ATRNL1: variants seen among roughly 807,000 people sequenced by gnomAD.
ATRNL1 encodes the protein attractin like 1.
In ATRNL1, 95 loss-of-function variants were observed where a neutral mutation model predicts 182.7. The observed-to-expected ratio is 0.52, with a 90% CI of 0.44 to 0.62. The LOEUF is 0.62. ATRNL1 is among the 20% of genes least tolerant of loss of function. ATRNL1 has a pLI of 0.00. For synonymous variants in ATRNL1, 576 were observed against 568.3 expected (o/e 1.01, Z -0.19); for missense variants, 1,471 against 1,679.5 (o/e 0.88, Z 2.17).
At chr10:115,475,310 T>C (rs1049384529) in intron 24 of ATRNL1, among the ~76,000 whole-genome samples, 2 of 151,574 alleles carry the variant, frequency 1.3e-5, no homozygotes, top group Non-Finnish European at 3.0e-5. Context: ...GAAATGCTGC[T>C]ATCATTTATA....
chr10:115,496,224 T>G (rs1554978221), intron 24 of ATRNL1, among the ~76,000 whole-genome samples: 1 of 152,034 alleles, frequency 6.6e-6, no homozygotes. Context: ...GCACGTAAGA[T>G]GGGTCAGCAT....
At chr10:115,523,257 C>T (rs1472536768) in intron 25 of ATRNL1, among the ~76,000 whole-genome samples, 1 of 152,194 alleles carries the variant, frequency 6.6e-6, no homozygotes, top group African/African-American at 2.4e-5. Context: ...CCAAGCCTGT[C>T]ATCCAAAACC....
At position 115,550,260 on chromosome 10, in the gene ATRNL1, A is replaced by T. The variant is rs1852890323; in HGVS notation, c.3795+724A>T. ...CTGTTTTTATCAGTATTCTTTTATTATAATGTATTCTATTGTATTAATCTT... is the reference window on the plus strand; with the variant it reads ...CTGTTTTTATCAGTATTCTTTTATTTTAATGTATTCTATTGTATTAATCTT... On this transcript the variant is annotated intron_variant, in intron 26 of 28. Coordinates refer to ENST00000355044, the MANE Select transcript of ATRNL1 (RefSeq NM_207303.4). Among the ~76,000 whole-genome samples, 7 of 151,902 alleles carry T rather than the reference A, an allele frequency of 4.6e-5. No individual in the cohort carries two copies. In the South Asian group the frequency reaches 1.5e-3, roughly 31 times the overall value.
At chr10:115,401,887 C>A (rs1030788924) in intron 20 of ATRNL1, among the ~76,000 whole-genome samples, 3 of 152,050 alleles carry the variant, frequency 2.0e-5, no homozygotes, top group Non-Finnish European at 2.9e-5. Context: ...GAAATTTTAA[C>A]AAATGCATAG....
Position 115,272,280 on chromosome 10 carries a change from C to T in ATRNL1, c.2100+3836C>T, listed in dbSNP as rs368080553. ...TGTAGGGTATGGTAATACTGAAAGA[C>T]GCCATAAGGGATCTCTTGTATTCTA... is the stretch of plus-strand genomic sequence containing the variant. On this transcript the variant is annotated intron_variant, in intron 13 of 28. Coordinates refer to ENST00000355044, the MANE Select transcript of ATRNL1 (RefSeq NM_207303.4). 8.7e-4 allele frequency among the ~76,000 whole-genome samples: 132 copies of T among 152,208 alleles called. 2 individuals carry two copies. The South Asian group carries it at 0.023, about 26-fold the overall frequency.
chr10:115,699,958 T>C (rs1946680335), intron 26 of ATRNL1, among the ~76,000 whole-genome samples: 2 of 152,172 alleles, frequency 1.3e-5, no homozygotes, highest in Non-Finnish European at 2.9e-5. Flanking sequence ...TCTGTTCCTA[T>C]GTTAATTTGC....
At chr10:115,241,509 A>G in intron 9 of ATRNL1, 62 bp from the exon 10 acceptor site, 1 of 1,155,414 alleles carries the variant, frequency 8.7e-7, no homozygotes, top group Non-Finnish European at 1.2e-6. Flanking sequence ...TTTATATAAC[A>G]TATATAAAAT....
chr10:115,693,429 G>A (rs1359957781), intron 26 of ATRNL1, among the ~76,000 whole-genome samples: 1 of 151,988 alleles, frequency 6.6e-6, no homozygotes, highest in Non-Finnish European at 1.5e-5. Flanking sequence ...ATAGAGTATT[G>A]GCTTCATGCT....
At chr10:115,841,647 T>TA (rs1950811597) in intron 27 of ATRNL1, among the ~76,000 whole-genome samples, 1 of 152,146 alleles carries the variant, frequency 6.6e-6, no homozygotes, top group African/African-American at 2.4e-5. Context: ...TCCACTAGCT[T>TA]AATTTCTTTT....
chr10:115,846,407 G>A (rs1478370630), intron 27 of ATRNL1, among the ~76,000 whole-genome samples: 2 of 151,918 alleles, frequency 1.3e-5, no homozygotes, highest in South Asian at 2.1e-4. Context: ...TTCTAGAAAC[G>A]ACAGTATTCT....
intron 28 of ATRNL1, among the ~76,000 whole-genome samples, chr10:115,874,975 T>A (rs1276215890): frequency 6.6e-6 from 1 of 151,896 alleles, no homozygotes; most frequent in Non-Finnish European, 1.5e-5. Context: ...TGTTAAAGAG[T>A]GGGATCAGAA....
intron 26 of ATRNL1, among the ~76,000 whole-genome samples, chr10:115,550,785 A>C (rs1174840015): frequency 6.6e-6 from 1 of 151,818 alleles, no homozygotes; most frequent in East Asian, 1.9e-4. Context: ...CAGGAAGGAA[A>C]AATCATAATT....
intron 26 of ATRNL1, among the ~76,000 whole-genome samples, chr10:115,632,893 T>TATTTC (rs1244693046): frequency 1.1e-4 from 17 of 150,654 alleles, no homozygotes; most frequent in Admixed American, 5.4e-4. Flanking sequence ...TATTTTATTT[T>TATTTC]ATTTTATTTT....
chr10:115,423,900 G>T (rs149509893), intron 20 of ATRNL1, among the ~76,000 whole-genome samples: 123 of 152,220 alleles, frequency 8.1e-4, no homozygotes, highest in African/African-American at 2.9e-3. Context: ...CACCTCAAAA[G>T]CACAGGCAAC....
intron 27 of ATRNL1, among the ~76,000 whole-genome samples, chr10:115,751,704 A>T (rs1555070684): frequency 6.6e-6 from 1 of 152,104 alleles, no homozygotes; most frequent in African/African-American, 2.4e-5. Context: ...TTGTAAAAAA[A>T]TTAAAGTTTT....
intron 25 of ATRNL1, among the ~76,000 whole-genome samples, chr10:115,540,738 C>T (rs1852304944): frequency 7.6e-6 from 1 of 131,596 alleles, no homozygotes; most frequent in African/African-American, 2.9e-5. Context: ...GCCTGGGCAA[C>T]AAGAGCAAAA....
chr10:115,440,151 A>G (rs1428035227), intron 21 of ATRNL1, among the ~76,000 whole-genome samples: 1 of 151,892 alleles, frequency 6.6e-6, no homozygotes, highest in Non-Finnish European at 1.5e-5. Context: ...GTTTTTTAAC[A>G]TAACTCCATC....
intron 5 of ATRNL1, among the ~76,000 whole-genome samples, chr10:115,131,913 G>A (rs1845255546): frequency 6.6e-6 from 1 of 151,992 alleles, no homozygotes; most frequent in African/African-American, 2.4e-5. Context: ...TTTATATTAA[G>A]TCCTTTTTTT....
chr10:115,514,486 T>G (rs1481084875), intron 24 of ATRNL1, among the ~76,000 whole-genome samples: 1 of 143,660 alleles, frequency 7.0e-6, no homozygotes, highest in African/African-American at 2.6e-5. Flanking sequence ...GTAAAAAAAA[T>G]ATATAGAGAT....
Sources: allele counts gnomAD v4.1 joint callset (sites outside exome capture counted in the v4.1 genomes callset), GRCh38; gene constraint gnomAD v4.1.1; transcripts MANE v1.5; gene names NCBI Gene and HGNC (gene_info 2026-07-23, HGNC 2026-07-21).